The following SPTA1 variants were observed in gnomAD, a reference collection of about 807,000 sequenced individuals.
SPTA1 encodes the protein spectrin alpha, erythrocytic 1.
SPTA1 carries 177 observed loss-of-function variants against 324.7 expected under a neutral mutation model. That is an observed-to-expected ratio of 0.55 (90% CI 0.48 to 0.62). The LOEUF (loss-of-function observed/expected upper bound fraction) is 0.62. Ranked by LOEUF, SPTA1 falls within the 20% of genes least tolerant of loss-of-function variation. The pLI is 0.00. For synonymous variants in SPTA1, 1,195 were observed against 1,041.3 expected (o/e 1.15, Z -2.84); for missense variants, 3,162 against 2,883.6 (o/e 1.10, Z -2.21).
At chr1:158,678,575 A>G in intron 5 of SPTA1, 41 bp from the exon 6 acceptor site, 1 of 1,605,490 alleles carries the variant, frequency 6.2e-7, no homozygotes, top group Admixed American at 1.7e-5. Context: ...CAGAGATGAG[A>G]TTATATTTAA....
intron 6 of SPTA1, 29 bp downstream of exon 6, chr1:158,678,372 T>C: frequency 6.2e-7 from 1 of 1,613,298 alleles, no homozygotes; most frequent in Non-Finnish European, 8.5e-7. Flanking sequence ...ACTTCAAAGT[T>C]TTCTATAAAG....
rs1458022917 is a variant in SPTA1 at position 158,654,615 on chromosome 1, T to C, written c.3032A>G (p.Asn1011Ser). The C allele has an allele frequency of 2.7e-5, 44 of 1,613,900 alleles. No individual in the cohort carries two copies. Among genetic ancestry groups the C allele is most frequent in the Non-Finnish European group, 3.6e-5 (42 of 1,180,014 alleles). ...GDVLTLLSSI[N>S]KDWWKVEAAD... is the part of the protein sequence containing the mutation. Reference sequence around the variant, plus strand: ...AAGATTAGAAGGAAAAGTCACCTTATTGATGGAACTGAGCAGCGTTAAGAC... The same window carrying C: ...AAGATTAGAAGGAAAAGTCACCTTACTGATGGAACTGAGCAGCGTTAAGAC... Residue 1011 changes from asparagine (N) to serine (S), a missense_variant, in exon 21 of 52, where the codon AAT (asparagine) becomes AGT (serine). Transcript: ENST00000643759.
intron 16 of SPTA1, among the ~76,000 whole-genome samples, chr1:158,663,916 AT>A (rs1416490659): frequency 6.6e-6 from 1 of 152,152 alleles, no homozygotes; most frequent in African/African-American, 2.4e-5. Context: ...ACTTTGTTTT[AT>A]TTTTGCTATT....
At chr1:158,674,988 A>G (rs745968787) in intron 8 of SPTA1, among the ~76,000 whole-genome samples, 2 of 152,136 alleles carry the variant, frequency 1.3e-5, no homozygotes, top group Non-Finnish European at 2.9e-5. Flanking sequence ...GGTGCTCATA[A>G]TGCAACCAAT....
At chr1:158,612,759 G>A in intron 51 of SPTA1, 58 bp downstream of exon 51, 1 of 1,605,894 alleles carries the variant, frequency 6.2e-7, no homozygotes, top group South Asian at 1.1e-5. Context: ...CCGGGCCTGA[G>A]ATGACCAGAA....
intron 18 of SPTA1, 41 bp downstream of exon 18, chr1:158,661,246 C>T (rs758903663): frequency 1.2e-6 from 2 of 1,613,556 alleles, no homozygotes; most frequent in Middle Eastern, 1.6e-4. Flanking sequence ...AGAGGTCTGG[C>T]CTGGTGATGT....
chr1:158,621,150 A>C (rs752489667), intron 43 of SPTA1, among the ~76,000 whole-genome samples: 1 of 152,224 alleles, frequency 6.6e-6, no homozygotes, highest in Non-Finnish European at 1.5e-5. Context: ...TGCTCTGAAT[A>C]GCTCTGAATT....
intron 43 of SPTA1, among the ~76,000 whole-genome samples, chr1:158,622,383 T>A (rs1243089390): frequency 6.6e-6 from 1 of 152,020 alleles, no homozygotes; most frequent in Non-Finnish European, 1.5e-5. Flanking sequence ...TTATGTATTA[T>A]TAATACACAC....
chr1:158,662,418 T>C (rs1653286577), intron 17 of SPTA1, among the ~76,000 whole-genome samples: 1 of 152,166 alleles, frequency 6.6e-6, no homozygotes, highest in African/African-American at 2.4e-5. Flanking sequence ...CCATGACTGT[T>C]CAAAGACCTT....
Position 158,612,928 on chromosome 1 carries a change from A to G in SPTA1, c.7023T>C (p.Ala2341=), listed in dbSNP as rs377572207. The G allele has an allele frequency of 6.2e-7, 1 of 1,613,958 alleles. No individual in the cohort carries two copies. The highest frequency in any genetic ancestry group is 8.5e-7 in the Non-Finnish European group (1 of 1,179,910). Residue 2341 remains alanine, a synonymous_variant, in exon 51 of 52, where the codon GCT becomes GCC. Coordinates refer to ENST00000643759, the MANE Select transcript of SPTA1 (RefSeq NM_003126.4). Reference sequence around the variant, plus strand: ...TTTCTGACTCCTTGTCAATCAGGAAAGCAGTATAGTCCTCCAGTGAGACAT... The same window carrying G: ...TTTCTGACTCCTTGTCAATCAGGAAGGCAGTATAGTCCTCCAGTGAGACAT... The part of the protein sequence containing the change: ...KGYVSLEDYT[A]FLIDKESENI...
rs1651214465 is a variant in SPTA1, at chr1:158,638,037, T to C, written c.5185A>G (p.Ile1729Val). The change falls in exon 36 of 52, where the codon ATA becomes GTA. Residue 1729 changes from isoleucine (I) to valine (V), a missense_variant. By Grantham distance (29) the Ile-to-Val change is conservative (BLOSUM62 3). Coordinates refer to ENST00000643759, the MANE Select transcript of SPTA1 (RefSeq NM_003126.4). ...FQDLDDEESWIEEKLIRVSSQ... is the reference protein window; with the variant it reads ...FQDLDDEESWVEEKLIRVSSQ... Reference sequence around the variant, plus strand: ...TTTTGAGCTGGTGGCACATACTCTATCCAGGATTCCTCATCATCTAGATCC... The same window carrying C: ...TTTTGAGCTGGTGGCACATACTCTACCCAGGATTCCTCATCATCTAGATCC... The C allele has an allele frequency of 1.2e-6, 2 of 1,613,564 alleles. No homozygotes were observed. Among genetic ancestry groups the C allele is most frequent in the African/African-American group, 1.3e-5 (1 of 74,928 alleles).
Position 158,678,546 on chromosome 1 carries a change from A to G in SPTA1, c.679-12T>C. 6.2e-7 allele frequency: 1 copy of G among 1,612,988 alleles called. No homozygotes were observed. The highest frequency in any genetic ancestry group is 8.5e-7 in the Non-Finnish European group (1 of 1,179,426). Reference sequence around the variant, plus strand: ...TCAGGATGGTTTTCCTGTTGAAGGAAAACAACACTGGAGTTATACAGAGAT... The same window carrying G: ...TCAGGATGGTTTTCCTGTTGAAGGAGAACAACACTGGAGTTATACAGAGAT... On this transcript the variant is annotated splice_polypyrimidine_tract_variant and intron_variant, in intron 5 of 51. Coordinates refer to ENST00000643759, the MANE Select transcript of SPTA1 (RefSeq NM_003126.4).
At chr1:158,619,483 G>T in intron 44 of SPTA1, 149 bp from the exon 45 acceptor site, 3 of 783,946 alleles carry the variant, frequency 3.8e-6, no homozygotes, top group South Asian at 1.4e-5. Flanking sequence ...CATATTTCAT[G>T]CAGTCAACCT....
intron 5 of SPTA1, among the ~76,000 whole-genome samples, chr1:158,678,873 A>C (rs921705342): frequency 1.8e-4 from 27 of 152,186 alleles, no homozygotes; most frequent in African/African-American, 6.3e-4. Context: ...AAAGAAGAGG[A>C]AATTCCTTTT....
At chr1:158,627,103 A>G in intron 40 of SPTA1, 96 bp from the exon 41 acceptor site, 1 of 1,500,798 alleles carries the variant, frequency 6.7e-7, no homozygotes, top group African/African-American at 1.4e-5. Context: ...CTCCCATTTC[A>G]AATATATAAC....
chr1:158,620,295 CT>C lies in SPTA1; in HGVS notation c.6291del (p.Asp2098ThrfsTer8), dbSNP rs758378706. The C allele has an allele frequency of 2.5e-6, 4 of 1,614,110 alleles. No individual in the cohort carries two copies. The highest frequency in any genetic ancestry group is 3.4e-6 in the Non-Finnish European group (4 of 1,180,022). ...DFLASLARAQ[A>X]DFKCLLELDQ... ...TCTAGCTCCAGCAAACATTTAAAGT[CT>C]GCTTGAGCCCTAGCCAGGGAGGCCA... On this transcript the variant is annotated frameshift_variant, in exon 44 of 52. Coordinates refer to ENST00000643759, the MANE Select transcript of SPTA1 (RefSeq NM_003126.4). LOFTEE classifies it high-confidence loss of function.
At chr1:158,642,294 A>T in intron 33 of SPTA1, 117 bp downstream of exon 33, 1 of 1,136,760 alleles carries the variant, frequency 8.8e-7, no homozygotes, top group Non-Finnish European at 1.2e-6. Context: ...ATGTACCCTA[A>T]AACTTAAAGT....
intron 21 of SPTA1, 101 bp from the exon 22 acceptor site, chr1:158,653,526 G>A: frequency 6.6e-7 from 1 of 1,518,364 alleles, no homozygotes; most frequent in Non-Finnish European, 9.0e-7. Flanking sequence ...ACAGGTTAAT[G>A]GCAAAGATAA....
intron 38 of SPTA1, among the ~76,000 whole-genome samples, 188 bp from the exon 39 acceptor site, chr1:158,634,863 G>C (rs959455828): frequency 1.3e-5 from 2 of 152,070 alleles, no homozygotes; most frequent in African/African-American, 4.8e-5. Flanking sequence ...GTGAAATGGA[G>C]GAGACGCCTG....
Sources: gnomAD v4.1 joint callset for allele counts (sites outside exome capture counted in the v4.1 genomes callset) on GRCh38, gnomAD v4.1.1 for gene constraint, MANE v1.5 for transcripts, NCBI Gene and HGNC (gene_info 2026-07-23, HGNC 2026-07-21) for gene names.